Variants in NTN1 observed in about 807,000 individuals in gnomAD.
NTN1 encodes the protein netrin-1.
A neutral mutation model predicts 54.2 loss-of-function variants in NTN1; 11 were observed. The observed-to-expected ratio is 0.20, with a 90% CI of 0.13 to 0.34. The LOEUF (loss-of-function observed/expected upper bound fraction) is 0.34, where lower values mean the gene tolerates loss of function less well. Ranked by LOEUF, NTN1 falls within the 10% of genes least tolerant of loss-of-function variation. The pLI, the probability that NTN1 is intolerant of heterozygous loss-of-function variation, is 1.00. For synonymous variants in NTN1, 371 were observed against 382.0 expected (o/e 0.97, Z 0.33); for missense variants, 740 against 893.1 (o/e 0.83, Z 2.18).
intron 2 of NTN1, among the ~76,000 whole-genome samples, chr17:9,143,400 C>T (rs762860509): frequency 5.3e-5 from 8 of 152,170 alleles, no homozygotes; most frequent in Non-Finnish European, 1.0e-4. Flanking sequence ...CTATCTCAGC[C>T]GTTTTATTTG....
rs2091857882 is a variant in NTN1 at position 9,022,985 on chromosome 17, C to A, written c.612C>A (p.Thr204=). ...TKQNEQEAVC[T]DSHTDMRPLS... ...AGAACGAGCAGGAGGCCGTGTGCAC[C>A]GACTCGCACACCGACATGCGCCCGC... The change falls in exon 2 of 7, where the codon ACC becomes ACA. Residue 204 remains threonine, a synonymous_variant. Transcript: ENST00000173229. 1 of 1,610,128 alleles carries A rather than the reference C, an allele frequency of 6.2e-7. No homozygotes were observed. The highest frequency in any genetic ancestry group is 1.1e-5 in the South Asian group (1 of 90,734).
At chr17:9,100,347 G>A (rs907264088) in intron 2 of NTN1, among the ~76,000 whole-genome samples, 1 of 152,096 alleles carries the variant, frequency 6.6e-6, no homozygotes, top group African/African-American at 2.4e-5. Flanking sequence ...GCCCAGGCTG[G>A]AGTGCAGTGG....
Position 9,229,166 on chromosome 17 carries a change from CTGTG to C in NTN1, c.1486+7933_1486+7936del, listed in dbSNP as rs1405920390. 1.6e-4 allele frequency among the ~76,000 whole-genome samples: 10 copies of C among 61,578 alleles called. No individual in the cohort carries two copies. The East Asian group carries it at 5.0e-3, about 31-fold the overall frequency. 40.4% of individuals were successfully genotyped at this position (61,578 alleles called of 152,430 possible). Reference sequence around the variant, plus strand: ...TGTGGCTGTTTGTGACTGTGTGAGACTGTGTGTGTGTGACTGTGCTCTCTTGGGG... The same window carrying C: ...TGTGGCTGTTTGTGACTGTGTGAGACTGTGTGTGACTGTGCTCTCTTGGGG... On this transcript the variant is annotated intron_variant, in intron 6 of 6. Coordinates refer to ENST00000173229, the MANE Select transcript of NTN1 (RefSeq NM_004822.3).
At chr17:9,184,653 A>G (rs1164863754) in intron 5 of NTN1, among the ~76,000 whole-genome samples, 1 of 152,052 alleles carries the variant, frequency 6.6e-6, no homozygotes, top group East Asian at 1.9e-4. Context: ...CTATCTCTCC[A>G]TCTCCGTCTT....
chr17:9,005,443 TAC>T, the NTN1 span, among the ~76,000 whole-genome samples: 1 of 131,752 alleles, frequency 7.6e-6, no homozygotes, highest in African/African-American at 2.8e-5. Context: ...CACACACACA[TAC>T]ACACACACCC....
intron 6 of NTN1, among the ~76,000 whole-genome samples, chr17:9,228,462 C>T (rs140894464): frequency 2.0e-5 from 3 of 152,224 alleles, no homozygotes; most frequent in East Asian, 3.9e-4. Flanking sequence ...CACGTGGACA[C>T]GCGGGGGCTC....
rs71361871 is a variant in NTN1, at chr17:9,193,920, T to TAAAAAAAAAAAAA, written c.1411+10963_1411+10975dup. ...TGGGCGACAAGAGTGAAACTCCGACTAAAAAAAAAAAAAAAAAAAAAAAAC... is the reference window on the plus strand; with the variant it reads ...TGGGCGACAAGAGTGAAACTCCGACTAAAAAAAAAAAAAAAAAAAAAAAAAAAAAAAAAAAAAC... On this transcript the variant is annotated intron_variant, in intron 5 of 6. Coordinates refer to ENST00000173229, the MANE Select transcript of NTN1 (RefSeq NM_004822.3). Among the ~76,000 whole-genome samples, 48 of 44,882 alleles carry TAAAAAAAAAAAAA rather than the reference T, an allele frequency of 1.1e-3. 2 individuals carry two copies. Among genetic ancestry groups the TAAAAAAAAAAAAA allele is most frequent in the African/African-American group, 4.9e-3 (45 of 9,220 alleles). The allele number at this position is 44,882 out of a possible 152,430, so 29.4% of individuals were successfully genotyped here. A position where few individuals can be genotyped will look rare whatever the true frequency, so the allele number is the denominator to read the frequency against.
intron 2 of NTN1, among the ~76,000 whole-genome samples, chr17:9,104,238 CAG>C (rs1341458852): frequency 6.6e-6 from 1 of 151,774 alleles, no homozygotes; most frequent in Non-Finnish European, 1.5e-5. Flanking sequence ...TTAATGGGTA[CAG>C]AGTTTCAATT....
intron 2 of NTN1, among the ~76,000 whole-genome samples, chr17:9,071,541 A>G (rs1215005050): frequency 6.6e-6 from 1 of 152,190 alleles, no homozygotes; most frequent in Admixed American, 6.5e-5. Context: ...AAAATGAATT[A>G]TAGTTTCTAA....
intron 5 of NTN1, among the ~76,000 whole-genome samples, chr17:9,192,404 G>A (rs1904486814): frequency 6.6e-6 from 1 of 152,184 alleles, no homozygotes; most frequent in Non-Finnish European, 1.5e-5. Flanking sequence ...TACACCTGAA[G>A]AATTAGCCAT....
chr17:9,164,620 A>G (rs1017545008), intron 3 of NTN1, among the ~76,000 whole-genome samples: 2 of 152,182 alleles, frequency 1.3e-5, no homozygotes, highest in East Asian at 1.9e-4. Context: ...CAAAATAAAC[A>G]GGTTCCCAAT....
chr17:9,006,645 G>A, the NTN1 span, among the ~76,000 whole-genome samples: 1 of 152,216 alleles, frequency 6.6e-6, no homozygotes, highest in African/African-American at 2.4e-5. Context: ...GAATTGATGG[G>A]AAATGAAGGT....
intron 2 of NTN1, among the ~76,000 whole-genome samples, chr17:9,133,297 TG>T (rs2092271277): frequency 6.6e-6 from 1 of 152,218 alleles, no homozygotes; most frequent in Non-Finnish European, 1.5e-5. Context: ...AGTTTGGCTG[TG>T]GTTCTCACTC....
chr17:9,227,876 TCACA>T (rs1233336488), intron 6 of NTN1, among the ~76,000 whole-genome samples: 5 of 150,338 alleles, frequency 3.3e-5, no homozygotes, highest in South Asian at 4.2e-4. Flanking sequence ...ACACACCCCA[TCACA>T]CACACACCCC....
chr17:9,072,415 C>T (rs1326652784), intron 2 of NTN1, among the ~76,000 whole-genome samples: 1 of 152,174 alleles, frequency 6.6e-6, no homozygotes, highest in Non-Finnish European at 1.5e-5. Flanking sequence ...ACCCCTACCC[C>T]CCAACTTATT....
At position 9,086,222 on chromosome 17, in the gene NTN1, G is replaced by C. The variant is rs141017868; in HGVS notation, c.1018+62831G>C. Among the ~76,000 whole-genome samples the C allele has an allele frequency of 1.1e-4, 16 of 152,246 alleles. No individual in the cohort carries two copies. In the East Asian group the frequency reaches 3.1e-3, roughly 29 times the overall value. ...TTCAAAAATAAAAACTAACAAATAA[G>C]CCGAGTGCAGTGGTCCTTGCCTGTT... On this transcript the variant is annotated intron_variant, in intron 2 of 6. Coordinates refer to ENST00000173229, the MANE Select transcript of NTN1 (RefSeq NM_004822.3).
At chr17:9,020,233 C>G (rs998406915), upstream of NTN1, among the ~76,000 whole-genome samples, 2 of 152,242 alleles carry the variant, frequency 1.3e-5, no homozygotes, top group African/African-American at 4.8e-5. Context: ...GGAACCAGGA[C>G]CTGGGGCTTT....
At chr17:9,158,293 G>A (rs1003284565) in intron 2 of NTN1, among the ~76,000 whole-genome samples, 2 of 152,202 alleles carry the variant, frequency 1.3e-5, no homozygotes, top group Non-Finnish European at 2.9e-5. Flanking sequence ...GCTTCCTCCT[G>A]GGGTGGGAAA....
At chr17:9,182,583 G>A (rs1285664427) in intron 4 of NTN1, among the ~76,000 whole-genome samples, 1 of 152,240 alleles carries the variant, frequency 6.6e-6, no homozygotes, top group Non-Finnish European at 1.5e-5. Flanking sequence ...AGTGGCCTGG[G>A]GAAGCCTCTC....
Sources: gnomAD v4.1 joint callset for allele counts (sites outside exome capture counted in the v4.1 genomes callset) on GRCh38, gnomAD v4.1.1 for gene constraint, MANE v1.5 for transcripts, NCBI Gene and HGNC (gene_info 2026-07-23, HGNC 2026-07-21) for gene names.